Variants in CACNA2D4 observed in about 807,000 individuals in gnomAD.
The protein encoded by CACNA2D4 is voltage-dependent calcium channel subunit alpha-2/delta-4.
CACNA2D4 carries 157 observed loss-of-function variants against 163.8 expected under a neutral mutation model. That is an observed-to-expected ratio of 0.96 (90% CI 0.84 to 1.09). The LOEUF (loss-of-function observed/expected upper bound fraction) is 1.09. Ranked by LOEUF, CACNA2D4 falls within the 50% of genes least tolerant of loss-of-function variation. CACNA2D4 has a pLI of 0.00. For synonymous variants in CACNA2D4, 598 were observed against 586.9 expected, an observed-to-expected ratio of 1.02 and a Z score of -0.27; for missense variants, 1,410 against 1,479.9, an observed-to-expected ratio of 0.95 and a Z score of 0.78.
rs552323323 is a variant in CACNA2D4 at position 1,845,498 on chromosome 12, A to T, written c.2343-969T>A. 3.3e-5 allele frequency among the ~76,000 whole-genome samples: 5 copies of T among 152,286 alleles called. No homozygotes were observed. In the South Asian group the frequency reaches 8.3e-4, roughly 25 times the overall value. On this transcript the variant is annotated intron_variant, in intron 24 of 37. Transcript: ENST00000382722. Reference sequence around the variant, plus strand: ...TGTGGATTTGTCACAGAGTCCTGGAAGAAGCTCAAAGATGGCGCTCCGTGG... The same window carrying T: ...TGTGGATTTGTCACAGAGTCCTGGATGAAGCTCAAAGATGGCGCTCCGTGG...
intron 31 of CACNA2D4, chr12:1,800,788 C>G (rs1863291277): frequency 5.0e-6 from 3 of 594,964 alleles, no homozygotes; most frequent in Non-Finnish European, 9.0e-6. Flanking sequence ...AGGCTGCTCT[C>G]TCTGTCTCCG....
intron 35 of CACNA2D4, among the ~76,000 whole-genome samples, chr12:1,797,118 G>A (rs1438251797): frequency 6.6e-6 from 1 of 152,226 alleles, no homozygotes; most frequent in Non-Finnish European, 1.5e-5. Flanking sequence ...TGGGGTCACG[G>A]CTGCGGCCTC....
chr12:1,893,700 T>C (rs2154450129), intron 6 of CACNA2D4, among the ~76,000 whole-genome samples: 1 of 152,200 alleles, frequency 6.6e-6, no homozygotes, highest in East Asian at 1.9e-4. Context: ...ATTTAAAACT[T>C]ACTTGAAACA....
intron 13 of CACNA2D4, among the ~76,000 whole-genome samples, chr12:1,880,767 G>A (rs535516099): frequency 3.3e-5 from 5 of 152,224 alleles, no homozygotes; most frequent in Non-Finnish European, 5.9e-5. Context: ...AAGGCTTTCT[G>A]AGAGTGAACC....
intron 29 of CACNA2D4, chr12:1,809,264 G>T: frequency 1.9e-6 from 1 of 513,288 alleles, no homozygotes; most frequent in Non-Finnish European, 3.4e-6. Flanking sequence ...GCGTGGAGGT[G>T]GCCTTGGCCA....
intron 2 of CACNA2D4, among the ~76,000 whole-genome samples, chr12:1,913,446 C>T (rs1297751714): frequency 6.6e-6 from 1 of 152,238 alleles, no homozygotes; most frequent in East Asian, 1.9e-4. Context: ...GCCAGGTGAG[C>T]AGGTGACCCC....
chr12:1,913,163 TGC>T (rs1336555524), intron 2 of CACNA2D4, 24 bp from the exon 3 acceptor site: 9 of 1,506,960 alleles, frequency 6.0e-6, no homozygotes, highest in Non-Finnish European at 8.3e-6. Flanking sequence ...GTGGGAGAGA[TGC>T]GTGCATGTGG....
intron 26 of CACNA2D4, among the ~76,000 whole-genome samples, chr12:1,825,326 G>T (rs1205823075): frequency 1.3e-5 from 2 of 152,176 alleles, no homozygotes; most frequent in African/African-American, 4.8e-5. Flanking sequence ...TGGGTGGGAG[G>T]GCTTCTCCAC....
At chr12:1,903,163 T>A (rs1259384526) in intron 6 of CACNA2D4, among the ~76,000 whole-genome samples, 1 of 152,022 alleles carries the variant, frequency 6.6e-6, no homozygotes, top group Non-Finnish European at 1.5e-5. Flanking sequence ...AATATTCATA[T>A]GAAAAAGAAT....
chr12:1,815,476 C>G (rs1863845591), intron 26 of CACNA2D4, among the ~76,000 whole-genome samples: 1 of 150,896 alleles, frequency 6.6e-6, no homozygotes, highest in Non-Finnish European at 1.5e-5. Flanking sequence ...CACTTTCACT[C>G]TCTACCTTAT....
chr12:1,910,018 G>T, intron 3 of CACNA2D4, 53 bp from the exon 4 acceptor site: 2 of 1,494,098 alleles, frequency 1.3e-6, no homozygotes, highest in South Asian at 1.1e-5. Context: ...AGCCCAGTGG[G>T]TTTTCAGCAA....
chr12:1,912,027 G>C (rs2154452562), intron 3 of CACNA2D4, among the ~76,000 whole-genome samples: 1 of 152,300 alleles, frequency 6.6e-6, no homozygotes, highest in East Asian at 1.9e-4. Context: ...ATTATAACAA[G>C]TGGGAAAGAA....
intron 26 of CACNA2D4, chr12:1,831,624 GC>G: frequency 9.3e-7 from 1 of 1,079,008 alleles, no homozygotes; most frequent in Non-Finnish European, 1.3e-6. Context: ...CAGAGAGCAG[GC>G]CAGGGGAAAG....
At chr12:1,811,377 C>T (rs889935101) in intron 27 of CACNA2D4, among the ~76,000 whole-genome samples, 1 of 152,220 alleles carries the variant, frequency 6.6e-6, no homozygotes, top group Non-Finnish European at 1.5e-5. Flanking sequence ...GACGGTGGAT[C>T]GAGGTGGCTC....
At position 1,820,495 on chromosome 12, in the gene CACNA2D4, TGCTCGCGCACACGCGTGCG is replaced by T. The variant is rs1565684979; in HGVS notation, c.2552-8791_2552-8773del. 6.6e-6 allele frequency: 1 copy of T among 152,376 alleles called. No individual in the cohort carries two copies. Among genetic ancestry groups the T allele is most frequent in the African/African-American group, 2.4e-5 (1 of 41,480 alleles). The allele number at this position is 152,376 out of a possible 1,614,324, so 9.4% of individuals were successfully genotyped here. On this transcript the variant is annotated intron_variant, in intron 26 of 37. Transcript: ENST00000382722. The surrounding 1 kb of genome is among the most constrained non-coding windows in gnomAD (Gnocchi z 6.0). ...CACTCCCCGCTCCACTCTGGCTCGCTGCTCGCGCACACGCGTGCGCTCTCCTCCCTCGCCCCTTTCTTCC... is the reference window on the plus strand; with the variant it reads ...CACTCCCCGCTCCACTCTGGCTCGCTCTCTCCTCCCTCGCCCCTTTCTTCC...
intron 6 of CACNA2D4, among the ~76,000 whole-genome samples, chr12:1,891,966 C>A (rs1047270691): frequency 1.1e-4 from 16 of 152,072 alleles, no homozygotes; most frequent in Admixed American, 3.9e-4. Flanking sequence ...TTTGGTGTCC[C>A]ATAAGGCAAA....
chr12:1,857,021 TC>T (rs1354554004), intron 20 of CACNA2D4, among the ~76,000 whole-genome samples: 1 of 152,144 alleles, frequency 6.6e-6, no homozygotes, highest in Non-Finnish European at 1.5e-5. Flanking sequence ...AATGTCTCAC[TC>T]CCAGGAGTGG....
In CACNA2D4 at chr12:1,909,886, G is replaced by T; in HGVS notation, c.486+20C>A. The T allele has an allele frequency of 6.2e-7, 1 of 1,612,224 alleles. No individual in the cohort carries two copies. Among genetic ancestry groups the T allele is most frequent in the Non-Finnish European group, 8.5e-7 (1 of 1,178,588 alleles). ...AGGCGATCCTGGCCCTCTGGCACCAGTGCCAGGAGTGGGACTCACCACCAG... is the reference window on the plus strand; with the variant it reads ...AGGCGATCCTGGCCCTCTGGCACCATTGCCAGGAGTGGGACTCACCACCAG... On this transcript the variant is annotated intron_variant, in intron 4 of 37. Coordinates refer to ENST00000382722, the MANE Select transcript of CACNA2D4 (RefSeq NM_172364.5).
At chr12:1,818,877 G>T (rs1384189110) in intron 26 of CACNA2D4, among the ~76,000 whole-genome samples, 11 of 149,034 alleles carry the variant, frequency 7.4e-5, no homozygotes, top group Non-Finnish European at 1.5e-4. Context: ...CCTCTGCCTA[G>T]GAAAACCAGA....
Sources: allele counts gnomAD v4.1 joint callset (sites outside exome capture counted in the v4.1 genomes callset), GRCh38; gene constraint gnomAD v4.1.1; non-coding constraint Gnocchi (gnomAD v3.1); transcripts MANE v1.5; gene names NCBI Gene and HGNC (gene_info 2026-07-23, HGNC 2026-07-21).